The following CELA2A variants were observed in gnomAD, a reference collection of about 807,000 sequenced individuals.
CELA2A encodes the protein chymotrypsin-like elastase family member 2A.
Under a neutral mutation model 35.3 loss-of-function variants are expected in CELA2A, and 31 were observed. The observed-to-expected ratio is 0.88, with a 90% CI of 0.66 to 1.19. The LOEUF is 1.19. Among genes scored for constraint, CELA2A ranks in the 50% most tolerant of loss-of-function variants. The probability of loss-of-function intolerance (pLI) is 0.00; values close to 1 mark genes in which losing one functional copy is unlikely to be tolerated. For missense variants in CELA2A, 330 were observed against 352.9 expected, an observed-to-expected ratio of 0.94 and a Z score of 0.52; for synonymous variants, 150 against 149.8, an observed-to-expected ratio of 1.00 and a Z score of -0.01.
intron 5 of CELA2A, among the ~76,000 whole-genome samples, chr1:15,464,654 A>C (rs1484059856): frequency 6.6e-6 from 1 of 152,188 alleles, no homozygotes; most frequent in Non-Finnish European, 1.5e-5. Context: ...ACACAAGGAC[A>C]CATCAAATCC....
rs774272220 is a variant in CELA2A at position 15,467,523 on chromosome 1, C to T, written c.777C>T (p.Ile259=). Residue 259 remains isoleucine, a synonymous_variant, in exon 7 of 8, where the codon ATC becomes ATT. Coordinates refer to ENST00000359621, the MANE Select transcript of CELA2A (RefSeq NM_033440.3). ...TCTTCACGCGGGTCTCCAATTACATCGACTGGATCAATTCGGTAAGAACCG... is the reference window on the plus strand; with the variant it reads ...TCTTCACGCGGGTCTCCAATTACATTGACTGGATCAATTCGGTAAGAACCG... ...PSVFTRVSNY[I]DWINSVIANN The T allele has an allele frequency of 4.3e-6, 7 of 1,614,020 alleles. No homozygotes were observed. The South Asian group carries it at 4.4e-5, about 10-fold the overall frequency.
chr1:15,465,926 T>C, intron 5 of CELA2A, 73 bp from the exon 6 acceptor site: 1 of 1,566,368 alleles, frequency 6.4e-7, no homozygotes, highest in South Asian at 1.1e-5. Context: ...AGGGGAAACC[T>C]AAGACGGGTC....
At chr1:15,459,808 A>G (rs1708408495) in intron 2 of CELA2A, among the ~76,000 whole-genome samples, 1 of 151,996 alleles carries the variant, frequency 6.6e-6, no homozygotes, top group African/African-American at 2.4e-5. Context: ...GGCAAAATGT[A>G]AGGGGGTAGC....
intron 7 of CELA2A, among the ~76,000 whole-genome samples, chr1:15,471,410 T>C (rs1421656416): frequency 6.6e-6 from 1 of 152,084 alleles, no homozygotes; most frequent in East Asian, 1.9e-4. Context: ...TAGCCAGGCA[T>C]GGTGGTGCAT....
rs747775883 is a variant in CELA2A at position 15,462,996 on chromosome 1, T to C, written c.356+135T>C. ...GGAGGGGGAAGGAGCTCTGGCCTCTTAGATGTGGAACCAGCTCCAAAGATG... is the reference window on the plus strand; with the variant it reads ...GGAGGGGGAAGGAGCTCTGGCCTCTCAGATGTGGAACCAGCTCCAAAGATG... On this transcript the variant is annotated intron_variant, in intron 4 of 7. Coordinates refer to ENST00000359621, the MANE Select transcript of CELA2A (RefSeq NM_033440.3). The C allele has an allele frequency of 4.6e-5, 61 of 1,329,124 alleles. No individual in the cohort carries two copies. In the African/African-American group the frequency reaches 6.4e-4, roughly 14 times the overall value. 82.3% of individuals were successfully genotyped at this position (1,329,124 alleles called of 1,614,324 possible).
At chr1:15,457,898 T>C (rs903354814) in intron 2 of CELA2A, among the ~76,000 whole-genome samples, 1 of 152,134 alleles carries the variant, frequency 6.6e-6, no homozygotes, top group African/African-American at 2.4e-5. Flanking sequence ...ATGAAAAAAA[T>C]GTTTTCTTAA....
chr1:15,458,661 C>T (rs1441771901), intron 2 of CELA2A, among the ~76,000 whole-genome samples: 1 of 151,998 alleles, frequency 6.6e-6, no homozygotes, highest in Non-Finnish European at 1.5e-5. Context: ...GCCTGTAATC[C>T]CAGCACTTTG....
intron 1 of CELA2A, 27 bp downstream of exon 1, chr1:15,456,820 G>A: frequency 6.2e-7 from 1 of 1,614,102 alleles, no homozygotes. Flanking sequence ...AGAGGCACTG[G>A]TTTCCCATGC....
intron 4 of CELA2A, 110 bp downstream of exon 4, chr1:15,462,971 G>A: frequency 6.9e-7 from 1 of 1,450,178 alleles, no homozygotes; most frequent in Non-Finnish European, 9.6e-7. Context: ...TCTTCTACAG[G>A]GAGGGGGAAG....
intron 7 of CELA2A, among the ~76,000 whole-genome samples, chr1:15,468,769 G>C (rs2103306133): frequency 6.6e-6 from 1 of 152,280 alleles, no homozygotes; most frequent in Admixed American, 6.5e-5. Context: ...CTTAAGCCTG[G>C]GCGACATAGC....
chr1:15,470,426 T>A (rs1708575309), intron 7 of CELA2A, among the ~76,000 whole-genome samples: 1 of 152,186 alleles, frequency 6.6e-6, no homozygotes, highest in African/African-American at 2.4e-5. Flanking sequence ...CAGTCACATG[T>A]GAACCTTCAG....
intron 4 of CELA2A, 91 bp from the exon 5 acceptor site, chr1:15,463,295 A>G: frequency 1.9e-6 from 3 of 1,586,306 alleles, no homozygotes; most frequent in Non-Finnish European, 1.7e-6. Flanking sequence ...AACAGGGTAC[A>G]GGGAAGATGA....
chr1:15,471,315 G>A (rs1570802802), intron 7 of CELA2A, among the ~76,000 whole-genome samples: 1 of 152,280 alleles, frequency 6.6e-6, no homozygotes, highest in East Asian at 1.9e-4. Context: ...GGGAAGCTGA[G>A]GCGAGTAGAT....
At chr1:15,465,301 G>A (rs577029378) in intron 5 of CELA2A, among the ~76,000 whole-genome samples, 6 of 152,058 alleles carry the variant, frequency 3.9e-5, no homozygotes, top group East Asian at 1.9e-4. Flanking sequence ...TGAGCACCGC[G>A]CCCGACCGAC....
intron 3 of CELA2A, among the ~76,000 whole-genome samples, chr1:15,462,367 G>T (rs1272943038): frequency 6.6e-6 from 1 of 152,160 alleles, no homozygotes; most frequent in Admixed American, 6.5e-5. Flanking sequence ...GCCAGGTTAC[G>T]CCTCTCTGGG....
In CELA2A at chr1:15,467,554, G is replaced by T. The variant is rs1425358830; in HGVS notation, c.792+16G>T. ...GATCAATTCGGTAAGAACCGGACCA[G>T]CCCTGAGCCCCAAGGCACTACCCTG... On this transcript the variant is annotated intron_variant, in intron 7 of 7. Transcript: ENST00000359621. 1 of 1,613,366 alleles carries T rather than the reference G, an allele frequency of 6.2e-7. No individual in the cohort carries two copies. Among genetic ancestry groups the T allele is most frequent in the East Asian group, 2.2e-5 (1 of 44,880 alleles).
At chr1:15,465,916 A>C in intron 5 of CELA2A, 83 bp from the exon 6 acceptor site, 1 of 1,507,004 alleles carries the variant, frequency 6.6e-7, no homozygotes, top group Non-Finnish European at 9.2e-7. Context: ...AGACAGGAAC[A>C]GGGGAAACCT....
At chr1:15,459,415 C>T (rs1397702192) in intron 2 of CELA2A, among the ~76,000 whole-genome samples, 17 of 151,784 alleles carry the variant, frequency 1.1e-4, no homozygotes, top group African/African-American at 3.4e-4. Flanking sequence ...CCTCCTGCGT[C>T]GGCCTCCCAA....
intron 2 of CELA2A, among the ~76,000 whole-genome samples, chr1:15,460,526 C>G (rs1708419413): frequency 6.6e-6 from 1 of 152,044 alleles, no homozygotes. Flanking sequence ...ACTGTCACCT[C>G]CCTCCCCTCT....
Sources: gnomAD v4.1 joint callset for allele counts (sites outside exome capture counted in the v4.1 genomes callset) on GRCh38, gnomAD v4.1.1 for gene constraint, MANE v1.5 for transcripts, NCBI Gene and HGNC (gene_info 2026-07-23, HGNC 2026-07-21) for gene names.